CSNK1A1: variants seen among roughly 807,000 people sequenced by gnomAD.
The protein encoded by CSNK1A1 is casein kinase 1 alpha 1.
Under a neutral mutation model 46.1 loss-of-function variants are expected in CSNK1A1, and 7 were observed. That is an observed-to-expected ratio of 0.15 (90% CI 0.09 to 0.29). The LOEUF (loss-of-function observed/expected upper bound fraction) is 0.29, where lower values mean the gene tolerates loss of function less well. CSNK1A1 is among the 10% of genes least tolerant of loss of function. CSNK1A1 has a pLI of 1.00. For missense variants in CSNK1A1, 96 were observed against 417.1 expected, an observed-to-expected ratio of 0.23 and a Z score of 6.71; for synonymous variants, 137 against 141.5, an observed-to-expected ratio of 0.97 and a Z score of 0.23.
At chr5:149,497,298 A>C (rs1203447467) in intron 9 of CSNK1A1, 1 of 990,204 alleles carries the variant, frequency 1.0e-6, no homozygotes, top group African/African-American at 1.7e-5. Context: ...TAGCTTTAAT[A>C]ATAAATGCAT....
chr5:149,541,773 C>T (rs544528252), intron 2 of CSNK1A1, among the ~76,000 whole-genome samples: 1 of 151,752 alleles, frequency 6.6e-6, no homozygotes, highest in Admixed American at 6.6e-5. Flanking sequence ...GTCAGGAGTT[C>T]GAGACCAGCC....
chr5:149,550,709 A>T lies in CSNK1A1; in HGVS notation c.123+133T>A. The T allele has an allele frequency of 7.7e-7, 1 of 1,300,628 alleles. No individual in the cohort carries two copies. The highest frequency in any genetic ancestry group is 1.4e-5 in the South Asian group (1 of 69,334). 80.6% of individuals were successfully genotyped at this position (1,300,628 alleles called of 1,614,324 possible). A position where few individuals can be genotyped will look rare whatever the true frequency, so the allele number is the denominator to read the frequency against. ...CAGCGGACGAGGTTCGTAAGCCAGGAAAACTAGCTCCCTGGACTCCCTGGC... is the reference window on the plus strand; with the variant it reads ...CAGCGGACGAGGTTCGTAAGCCAGGTAAACTAGCTCCCTGGACTCCCTGGC... On this transcript the variant is annotated intron_variant, in intron 1 of 9. Coordinates refer to ENST00000377843, the MANE Select transcript of CSNK1A1 (RefSeq NM_001892.6). This position sits in a 1 kb window ranked among gnomAD's most constrained non-coding sequence, Gnocchi z 4.3.
intron 9 of CSNK1A1, among the ~76,000 whole-genome samples, chr5:149,500,669 T>A (rs1760824390): frequency 6.6e-6 from 1 of 152,120 alleles, no homozygotes; most frequent in Non-Finnish European, 1.5e-5. Context: ...GATCAAGTGA[T>A]CTTCCCATCT....
At chr5:149,534,813 C>A (rs1762013549) in intron 2 of CSNK1A1, among the ~76,000 whole-genome samples, 1 of 151,466 alleles carries the variant, frequency 6.6e-6, no homozygotes, top group Non-Finnish European at 1.5e-5. Flanking sequence ...CGCCTGTACT[C>A]CCCAGGAAGC....
intron 2 of CSNK1A1, among the ~76,000 whole-genome samples, chr5:149,542,630 A>ACATGTATGTG (rs1762302572): frequency 1.0e-3 from 11 of 10,946 alleles, no homozygotes; most frequent in African/African-American, 6.2e-3. Context: ...ATATATATAT[A>ACATGTATGTG]TATATATATG....
In CSNK1A1 at chr5:149,521,548, A is replaced by G. The variant is rs1761571526; in HGVS notation, c.358-1160T>C. On this transcript the variant is annotated intron_variant, in intron 3 of 9. Coordinates refer to ENST00000377843, the MANE Select transcript of CSNK1A1 (RefSeq NM_001892.6). Reference sequence around the variant, plus strand: ...GAGATCCTCCTGCCTCGACCTCCCAATGTGGTAGGATTACAGGTGTGAACC... The same window carrying G: ...GAGATCCTCCTGCCTCGACCTCCCAGTGTGGTAGGATTACAGGTGTGAACC... 3.3e-5 allele frequency among the ~76,000 whole-genome samples: 5 copies of G among 151,570 alleles called. No homozygotes were observed. The South Asian group carries it at 1.0e-3, about 32-fold the overall frequency.
chr5:149,512,965 C>T lies in CSNK1A1; in HGVS notation c.596+105G>A, dbSNP rs1027092401. The T allele has an allele frequency of 1.0e-5, 14 of 1,337,398 alleles. 1 individual carries two copies. The highest frequency in any genetic ancestry group is 4.7e-5 in the East Asian group (2 of 42,552). 82.8% of individuals were successfully genotyped at this position (1,337,398 alleles called of 1,614,324 possible). On this transcript the variant is annotated intron_variant, in intron 5 of 9. Coordinates refer to ENST00000377843, the MANE Select transcript of CSNK1A1 (RefSeq NM_001892.6). The stretch of plus-strand genomic sequence containing the variant: ...GATTAATAAGCATCCTTCAAATCCT[C>T]AGCCAAGAAACATCCTTAGACATTG...
chr5:149,545,601 C>CT, intron 2 of CSNK1A1: 1 of 832,540 alleles, frequency 1.2e-6, no homozygotes, highest in South Asian at 1.3e-5. Flanking sequence ...GGATCTTGGG[C>CT]TTAACCTCCT....
intron 2 of CSNK1A1, among the ~76,000 whole-genome samples, chr5:149,542,619 T>C (rs1279494781): frequency 3.9e-3 from 48 of 12,378 alleles, no homozygotes; most frequent in African/African-American, 0.025. Flanking sequence ...TATATATATA[T>C]ATATATATAT....
chr5:149,502,668 C>T (rs1403032962), intron 9 of CSNK1A1: 1 of 984,866 alleles, frequency 1.0e-6, no homozygotes, highest in Non-Finnish European at 1.2e-6. Context: ...AGCCACTGCG[C>T]CTGTCCTAAA....
intron 2 of CSNK1A1, among the ~76,000 whole-genome samples, chr5:149,530,400 G>A (rs1045462076): frequency 2.6e-5 from 4 of 152,104 alleles, no homozygotes; most frequent in African/African-American, 7.2e-5. Context: ...TTAAAAAGTC[G>A]TTTGCCAATC....
intron 9 of CSNK1A1, chr5:149,502,199 T>C: frequency 3.2e-6 from 3 of 945,272 alleles, no homozygotes; most frequent in Non-Finnish European, 2.5e-6. Context: ...AATTACCATA[T>C]AAAACATTAG....
intron 3 of CSNK1A1, among the ~76,000 whole-genome samples, chr5:149,522,633 G>T (rs776822188): frequency 1.3e-5 from 2 of 152,176 alleles, no homozygotes; most frequent in Non-Finnish European, 2.9e-5. Flanking sequence ...GTCTTCTGAA[G>T]CCAAACTAGT....
chr5:149,509,683 C>T (rs928552681), intron 7 of CSNK1A1, among the ~76,000 whole-genome samples, 196 bp downstream of exon 7: 1 of 151,704 alleles, frequency 6.6e-6, no homozygotes, highest in African/African-American at 2.4e-5. Flanking sequence ...GGATTGCAGG[C>T]TTGAGCCACT....
Position 149,532,029 on chromosome 5 carries a change from C to T in CSNK1A1, c.231-6858G>A, listed in dbSNP as rs1053413101. ...CACCTGTTGGGATTACAGGCATATG[C>T]GACCACTCCTGGCTGATTTTTGTAT... On this transcript the variant is annotated intron_variant, in intron 2 of 9. Coordinates refer to ENST00000377843, the MANE Select transcript of CSNK1A1 (RefSeq NM_001892.6). Among the ~76,000 whole-genome samples the T allele has an allele frequency of 4.0e-5, 6 of 151,896 alleles. No individual in the cohort carries two copies. In the South Asian group the frequency reaches 6.2e-4, roughly 16 times the overall value.
intron 9 of CSNK1A1, chr5:149,497,778 ACTT>A: frequency 1.0e-6 from 1 of 984,776 alleles, no homozygotes; most frequent in African/African-American, 1.8e-5. Context: ...ATCAATCCTC[ACTT>A]CTTCAGCCCA....
At chr5:149,513,769 A>C (rs1459196541) in intron 4 of CSNK1A1, among the ~76,000 whole-genome samples, 1 of 152,088 alleles carries the variant, frequency 6.6e-6, no homozygotes, top group East Asian at 1.9e-4. Context: ...GCATGGTGGC[A>C]CATGCCTGTA....
At chr5:149,537,038 T>A (rs994717558) in intron 2 of CSNK1A1, among the ~76,000 whole-genome samples, 11 of 152,190 alleles carry the variant, frequency 7.2e-5, no homozygotes, top group African/African-American at 2.4e-4. Flanking sequence ...CTTGATAAAT[T>A]ACAAAGCATT....
intron 2 of CSNK1A1, among the ~76,000 whole-genome samples, chr5:149,534,729 C>T (rs969020683): frequency 4.0e-5 from 6 of 151,372 alleles, no homozygotes; most frequent in African/African-American, 1.5e-4. Context: ...TCAGGTGGTT[C>T]GAGATTAGCC....
Sources: allele counts gnomAD v4.1 joint callset (sites outside exome capture counted in the v4.1 genomes callset), GRCh38; gene constraint gnomAD v4.1.1; non-coding constraint Gnocchi (gnomAD v3.1); transcripts MANE v1.5; gene names NCBI Gene and HGNC (gene_info 2026-07-23, HGNC 2026-07-21).